Variants in C8orf34 observed in about 807,000 individuals in gnomAD.
The protein encoded by C8orf34 is uncharacterized protein C8orf34.
Under a neutral mutation model 68.3 loss-of-function variants are expected in C8orf34, and 65 were observed. The ratio of observed to expected loss-of-function variants is 0.95; its 90% CI spans 0.78 to 1.17. C8orf34 has a LOEUF of 1.17. Among genes scored for constraint, C8orf34 ranks in the 50% most tolerant of loss-of-function variants. The pLI, the probability that C8orf34 is intolerant of heterozygous loss-of-function variation, is 0.00. For synonymous variants in C8orf34, 244 were observed against 241.2 expected, an observed-to-expected ratio of 1.01 and a Z score of -0.11; for missense variants, 664 against 655.4, an observed-to-expected ratio of 1.01 and a Z score of -0.14.
chr8:68,330,490 A>C (rs1805519552), upstream of C8orf34, among the ~76,000 whole-genome samples: 1 of 152,016 alleles, frequency 6.6e-6, no homozygotes, highest in African/African-American at 2.4e-5. Flanking sequence ...CCTTAAACCC[A>C]CGCACCTTCT....
chr8:68,554,964 C>G (rs906519001), intron 7 of C8orf34, among the ~76,000 whole-genome samples: 2 of 152,060 alleles, frequency 1.3e-5, no homozygotes, highest in African/African-American at 4.8e-5. Context: ...TATTTGGTAG[C>G]TTTACTCTGT....
chr8:68,513,533 C>T (rs1333349369), intron 5 of C8orf34, among the ~76,000 whole-genome samples: 1 of 152,126 alleles, frequency 6.6e-6, no homozygotes, highest in African/African-American at 2.4e-5. Context: ...AACAGTGATA[C>T]TTGTGGGGCC....
intron 2 of C8orf34, among the ~76,000 whole-genome samples, chr8:68,445,634 A>G (rs530208756): frequency 1.6e-4 from 25 of 152,312 alleles, no homozygotes; most frequent in African/African-American, 5.8e-4. Flanking sequence ...GTGAATATCA[A>G]TGATTTTACT....
chr8:68,746,831 C>T (rs1390195277), intron 10 of C8orf34, among the ~76,000 whole-genome samples: 1 of 151,796 alleles, frequency 6.6e-6, no homozygotes, highest in East Asian at 1.9e-4. Flanking sequence ...ACCATTCCTT[C>T]TGAAACTATT....
intron 12 of C8orf34, among the ~76,000 whole-genome samples, chr8:68,802,101 T>C (rs750351657): frequency 6.6e-6 from 1 of 152,152 alleles, no homozygotes; most frequent in Non-Finnish European, 1.5e-5. Context: ...ATAATTTCTT[T>C]ATTTTTTATT....
rs181142277 is a variant in C8orf34, at chr8:68,453,473, G to A, written c.607+7013G>A. ...TAAACAATGTTTTGTAGTTTTTGGT[G>A]TACAAGACTGGCATGTCCTTGGTTA... On this transcript the variant is annotated intron_variant, in intron 3 of 13. Transcript: ENST00000518698. Among the ~76,000 whole-genome samples, 326 of 152,054 alleles carry A rather than the reference G, an allele frequency of 2.1e-3. 1 individual carries two copies. The highest frequency in any genetic ancestry group is 7.1e-3 in the African/African-American group (293 of 41,538).
chr8:68,792,452 A>C (rs1191386560), intron 12 of C8orf34: 1 of 151,510 alleles, frequency 6.6e-6, no homozygotes, highest in Admixed American at 6.6e-5. Context: ...CACGCCTGTA[A>C]TCCCAGCTAC....
intron 13 of C8orf34, among the ~76,000 whole-genome samples, chr8:68,816,697 G>A (rs1824829435): frequency 6.6e-6 from 1 of 152,058 alleles, no homozygotes; most frequent in African/African-American, 2.4e-5. Context: ...CAATAATTCT[G>A]CATTAGGACA....
chr8:68,345,626 G>A (rs1245388808), intron 1 of C8orf34, among the ~76,000 whole-genome samples: 4 of 151,864 alleles, frequency 2.6e-5, no homozygotes, highest in African/African-American at 9.7e-5. Context: ...CAAATTGGTA[G>A]AGCAAGTAAT....
intron 1 of C8orf34, among the ~76,000 whole-genome samples, chr8:68,386,875 C>T (rs1012802547): frequency 6.6e-6 from 1 of 152,000 alleles, no homozygotes; most frequent in Non-Finnish European, 1.5e-5. Context: ...CCAGAAATAG[C>T]CCTCCCCCAG....
intron 11 of C8orf34, among the ~76,000 whole-genome samples, chr8:68,778,136 T>TA (rs1435514967): frequency 1.3e-5 from 2 of 152,232 alleles, no homozygotes; most frequent in Non-Finnish European, 2.9e-5. Flanking sequence ...TATATGTACT[T>TA]AAACTCTTCT....
intron 10 of C8orf34, among the ~76,000 whole-genome samples, chr8:68,760,127 T>G (rs1585841667): frequency 6.6e-6 from 1 of 151,578 alleles, no homozygotes; most frequent in African/African-American, 2.4e-5. Flanking sequence ...GTGAAGGGAG[T>G]TGCTGGGAAG....
chr8:68,720,302 T>G (rs1821633742), intron 9 of C8orf34, among the ~76,000 whole-genome samples: 1 of 151,988 alleles, frequency 6.6e-6, no homozygotes, highest in Non-Finnish European at 1.5e-5. Flanking sequence ...AATGTAAAAT[T>G]CTGAGTTATC....
chr8:68,764,566 C>G (rs1823115256), intron 10 of C8orf34, among the ~76,000 whole-genome samples: 2 of 152,048 alleles, frequency 1.3e-5, no homozygotes, highest in South Asian at 4.1e-4. Flanking sequence ...GGAGCTGAGA[C>G]CTGCCAAGTG....
intron 13 of C8orf34, among the ~76,000 whole-genome samples, 185 bp downstream of exon 13, chr8:68,816,130 G>GTGTGTT (rs931639121): frequency 7.4e-6 from 1 of 134,844 alleles, no homozygotes; most frequent in African/African-American, 3.0e-5. Context: ...GTGTGTGTGT[G>GTGTGTT]TGTTTCTCTG....
At chr8:68,605,155 G>T (rs891626828) in intron 7 of C8orf34, among the ~76,000 whole-genome samples, 2 of 152,066 alleles carry the variant, frequency 1.3e-5, no homozygotes, top group Non-Finnish European at 2.9e-5. Context: ...AAACAGCAAT[G>T]AGATGTTACT....
chr8:68,728,548 G>T (rs12544474), intron 10 of C8orf34, among the ~76,000 whole-genome samples: 1 of 152,046 alleles, frequency 6.6e-6, no homozygotes, highest in South Asian at 2.1e-4. Context: ...CCAAGGCTGG[G>T]AACAGAATGA....
intron 1 of C8orf34, among the ~76,000 whole-genome samples, chr8:68,405,935 T>C (rs1307169914): frequency 6.6e-6 from 1 of 152,188 alleles, no homozygotes; most frequent in African/African-American, 2.4e-5. Flanking sequence ...TCACAAAGCA[T>C]ACAAAAAGAG....
chr8:68,420,531 G>GCA (rs35400598), intron 1 of C8orf34, among the ~76,000 whole-genome samples: 11,477 of 149,652 alleles, frequency 0.077, 929 homozygotes, highest in African/African-American at 0.21. Context: ...GCAACATGTG[G>GCA]CACACACACA....
Sources: gnomAD v4.1 joint callset for allele counts (sites outside exome capture counted in the v4.1 genomes callset) on GRCh38, gnomAD v4.1.1 for gene constraint, MANE v1.5 for transcripts, NCBI Gene and HGNC (gene_info 2026-07-23, HGNC 2026-07-21) for gene names.